Variants in DNAH9 observed in about 807,000 individuals in gnomAD.
DNAH9 encodes the protein dynein axonemal heavy chain 9.
DNAH9 carries 345 observed loss-of-function variants against 471.6 expected under a neutral mutation model. The ratio of observed to expected loss-of-function variants is 0.73; its 90% CI spans 0.67 to 0.80. DNAH9 has a LOEUF of 0.80. Ranked by LOEUF, DNAH9 falls within the 30% of genes least tolerant of loss-of-function variation. The probability of loss-of-function intolerance (pLI) is 0.00; values close to 1 mark genes in which losing one functional copy is unlikely to be tolerated. For synonymous variants in DNAH9, 2,093 were observed against 2,123.6 expected (o/e 0.99, Z 0.40); for missense variants, 5,407 against 5,609.2 (o/e 0.96, Z 1.15).
chr17:11,856,313 A>G (rs1971624105), intron 50 of DNAH9, among the ~76,000 whole-genome samples: 1 of 152,230 alleles, frequency 6.6e-6, no homozygotes, highest in South Asian at 2.1e-4. Flanking sequence ...GACATGCTGT[A>G]TGCCACGTGA....
In DNAH9 at chr17:11,769,219, G is replaced by A; in HGVS notation, c.7442G>A (p.Gly2481Asp). 6.2e-7 allele frequency: 1 copy of A among 1,614,226 alleles called. No homozygotes were observed. The highest frequency in any genetic ancestry group is 8.5e-7 in the Non-Finnish European group (1 of 1,180,050). The change falls in exon 38 of 69, where the codon GGC (glycine) becomes GAC (aspartate). Residue 2481 changes from glycine (G) to aspartate (D), a missense_variant. Physicochemically the swap from Gly to Asp is moderately conservative, Grantham distance 94 (BLOSUM62 -1). Coordinates refer to ENST00000262442, the MANE Select transcript of DNAH9 (RefSeq NM_001372.4). ...CCTGTCATGCTGGTGGGCACGGCTG[G>A]CACTGGCAAGTCGGTGCTGGTGGGA... Reference protein sequence around the residue: ...QRPVMLVGTAGTGKSVLVGAK... With the variant: ...QRPVMLVGTADTGKSVLVGAK...
chr17:11,952,124 G>A (rs1164580142), intron 67 of DNAH9, among the ~76,000 whole-genome samples: 1 of 139,766 alleles, frequency 7.2e-6, no homozygotes, highest in Non-Finnish European at 1.5e-5. Flanking sequence ...GTATGTTTTT[G>A]CCAAAGCTAT....
chr17:11,619,394 G>A (rs1049721083), intron 5 of DNAH9, among the ~76,000 whole-genome samples, 154 bp from the exon 6 acceptor site: 1 of 152,126 alleles, frequency 6.6e-6, no homozygotes. Flanking sequence ...AACCCAGGTC[G>A]CAGTCCACAT....
At chr17:11,703,365 A>C (rs1055861046) in intron 24 of DNAH9, among the ~76,000 whole-genome samples, 2 of 152,182 alleles carry the variant, frequency 1.3e-5, no homozygotes, top group Admixed American at 1.3e-4. Context: ...GAGATTCTCC[A>C]TTTCACAAAG....
At chr17:11,958,702 C>T (rs73300424) in intron 67 of DNAH9, among the ~76,000 whole-genome samples, 1,558 of 149,980 alleles carry the variant, frequency 0.01, 19 homozygotes, top group African/African-American at 0.036. Context: ...GTACTTGCTG[C>T]TCAATTTGCT....
chr17:11,744,079 C>T (rs1271470550), intron 30 of DNAH9, among the ~76,000 whole-genome samples: 3 of 152,148 alleles, frequency 2.0e-5, no homozygotes, highest in African/African-American at 7.2e-5. Context: ...CCACCTGCCT[C>T]GGCCTCCCAA....
rs1274836843 is a variant in DNAH9, at chr17:11,781,059, C to T, written c.7603C>T (p.Pro2535Ser). 5.0e-6 allele frequency: 8 copies of T among 1,614,042 alleles called. No individual in the cohort carries two copies. In the African/African-American group the frequency reaches 6.7e-5, roughly 13 times the overall value. ...EKKAGRNYGP[P>S]GNKKLIYFID... ...GAAGGCTGGCAGAAACTATGGCCCT[C>T]CAGGGAACAAGAAACTCATCTATTT... Residue 2535 changes from proline to serine, a missense_variant, in exon 39 of 69, where the codon CCA becomes TCA. Around this residue, in one of 3 missense-constraint regions of DNAH9, gnomAD observed 4,636 missense variants for 4,900.3 expected, o/e 0.95. Coordinates refer to ENST00000262442, the MANE Select transcript of DNAH9 (RefSeq NM_001372.4).
At chr17:11,602,882 T>C (rs1008146102) in intron 1 of DNAH9, among the ~76,000 whole-genome samples, 1 of 152,148 alleles carries the variant, frequency 6.6e-6, no homozygotes, top group Admixed American at 6.5e-5. Flanking sequence ...CTCTCTCTCA[T>C]ACCCTGACTA....
chr17:11,843,863 G>GTGTGTATATACA (rs1253794533), intron 49 of DNAH9, among the ~76,000 whole-genome samples: 1 of 46,466 alleles, frequency 2.2e-5, no homozygotes, highest in African/African-American at 8.1e-5. Flanking sequence ...GTGTGTGTGT[G>GTGTGTATATACA]TATATATATA....
chr17:11,823,641 GC>G (rs1451050610), intron 48 of DNAH9, among the ~76,000 whole-genome samples: 5 of 152,126 alleles, frequency 3.3e-5, no homozygotes, highest in African/African-American at 9.7e-5. Context: ...TGGAAAGAAG[GC>G]CCCTGTCGGC....
chr17:11,900,565 A>G (rs541213032), intron 59 of DNAH9, among the ~76,000 whole-genome samples: 1 of 150,644 alleles, frequency 6.6e-6, no homozygotes, highest in African/African-American at 2.4e-5. Context: ...GCAGAATTCT[A>G]CATACCTACC....
intron 67 of DNAH9, among the ~76,000 whole-genome samples, chr17:11,949,245 T>G (rs1305868292): frequency 6.6e-6 from 1 of 152,216 alleles, no homozygotes; most frequent in Non-Finnish European, 1.5e-5. Context: ...CCACCCAGCC[T>G]GTAGTTCTCC....
At chr17:11,945,902 C>CA (rs925748441) in intron 67 of DNAH9, among the ~76,000 whole-genome samples, 228 of 143,050 alleles carry the variant, frequency 1.6e-3, no homozygotes, top group East Asian at 2.5e-3. Context: ...ACTAAAAATA[C>CA]AAAAAAAAAA....
intron 50 of DNAH9, among the ~76,000 whole-genome samples, chr17:11,862,013 C>A (rs1235048778): frequency 6.6e-6 from 1 of 150,612 alleles, no homozygotes; most frequent in Admixed American, 6.6e-5. Context: ...TGTGCAGAAG[C>A]TCTTTAGTTT....
At chr17:11,840,305 C>A (rs1025660313) in intron 49 of DNAH9, among the ~76,000 whole-genome samples, 8 of 152,126 alleles carry the variant, frequency 5.3e-5, no homozygotes, top group Non-Finnish European at 7.4e-5. Context: ...TCTCGCTTTC[C>A]CTCTTGATAC....
chr17:11,870,332 A>G (rs1972217530), intron 51 of DNAH9, among the ~76,000 whole-genome samples: 1 of 152,256 alleles, frequency 6.6e-6, no homozygotes, highest in African/African-American at 2.4e-5. Flanking sequence ...AAGACTCTGC[A>G]AAGCAAGTCA....
At chr17:11,822,239 A>G (rs1393260388) in intron 46 of DNAH9, among the ~76,000 whole-genome samples, 177 bp downstream of exon 46, 1 of 152,242 alleles carries the variant, frequency 6.6e-6, no homozygotes, top group Non-Finnish European at 1.5e-5. Flanking sequence ...CTTTAAGGGC[A>G]GCAGCATCCC....
chr17:11,822,163 G>A (rs1029039103), intron 46 of DNAH9, 101 bp downstream of exon 46: 4 of 1,399,232 alleles, frequency 2.9e-6, no homozygotes, highest in African/African-American at 1.4e-5. Flanking sequence ...ATTGTCTAGA[G>A]TAGGTGGTGA....
At chr17:11,718,349 G>T (rs2075001496) in intron 26 of DNAH9, among the ~76,000 whole-genome samples, 1 of 152,236 alleles carries the variant, frequency 6.6e-6, no homozygotes. Flanking sequence ...TATTTGGGTT[G>T]TTTCTAGCTT....
Sources: gnomAD v4.1 joint callset for allele counts (sites outside exome capture counted in the v4.1 genomes callset) on GRCh38, gnomAD v4.1.1 for gene constraint, gnomAD v4.1.1 regional missense constraint, MANE v1.5 for transcripts, NCBI Gene and HGNC (gene_info 2026-07-23, HGNC 2026-07-21) for gene names.